The following PTPRG variants were observed in gnomAD, a reference collection of about 807,000 sequenced individuals.
PTPRG encodes the protein receptor-type tyrosine-protein phosphatase gamma.
Under a neutral mutation model 165.3 loss-of-function variants are expected in PTPRG, and 102 were observed. That is an observed-to-expected ratio of 0.62 (90% CI 0.53 to 0.73). The LOEUF is 0.73. Ranked by LOEUF, PTPRG falls within the 30% of genes least tolerant of loss-of-function variation. PTPRG has a pLI of 0.00. For synonymous variants in PTPRG, 675 were observed against 669.5 expected (o/e 1.01, Z -0.13); for missense variants, 1,866 against 1,861.4 (o/e 1.00, Z -0.05).
intron 6 of PTPRG, among the ~76,000 whole-genome samples, chr3:62,136,715 A>G (rs1461051335): frequency 6.6e-6 from 1 of 152,108 alleles, no homozygotes; most frequent in Non-Finnish European, 1.5e-5. Flanking sequence ...GATAGTTTTA[A>G]AAAGGGGAGT....
chr3:62,191,813 G>A (rs1484113277), intron 9 of PTPRG, among the ~76,000 whole-genome samples, 160 bp downstream of exon 9: 5 of 152,148 alleles, frequency 3.3e-5, no homozygotes, highest in East Asian at 3.9e-4. Context: ...CGAGAGTGCC[G>A]GGGAGGACAG....
rs1282917337 is a variant in PTPRG, at chr3:62,229,685, G to A, written c.2289-1540G>A. 5.3e-5 allele frequency among the ~76,000 whole-genome samples: 8 copies of A among 152,088 alleles called. No homozygotes were observed. Among genetic ancestry groups the A allele is most frequent in the South Asian group, 2.1e-4 (1 of 4,824 alleles). On this transcript the variant is annotated intron_variant, in intron 13 of 29. Transcript: ENST00000474889. The surrounding 1 kb of genome is among the most constrained non-coding windows in gnomAD (Gnocchi z 4.6). ...TCAGAATTAACTGTCTTCTCCCCCC[G>A]GGGTTAATTATGTCTGTTCTGCTGG...
At chr3:61,841,149 A>G (rs2036620845) in intron 2 of PTPRG, among the ~76,000 whole-genome samples, 1 of 152,162 alleles carries the variant, frequency 6.6e-6, no homozygotes, top group Non-Finnish European at 1.5e-5. Context: ...AACAATGAAA[A>G]AAGCATCAAC....
At chr3:61,772,058 T>TAAAAAA (rs71100977) in intron 2 of PTPRG, among the ~76,000 whole-genome samples, 4 of 64,776 alleles carry the variant, frequency 6.2e-5, no homozygotes, top group Non-Finnish European at 8.4e-5. Context: ...AGACTCTGTC[T>TAAAAAA]AAAAAAAAAA....
intron 5 of PTPRG, among the ~76,000 whole-genome samples, chr3:62,089,578 C>A (rs988215225): frequency 2.6e-5 from 4 of 152,192 alleles, no homozygotes; most frequent in African/African-American, 9.7e-5. Context: ...AGTTGGTGCT[C>A]ATATCATCTC....
intron 2 of PTPRG, among the ~76,000 whole-genome samples, chr3:61,810,378 A>G (rs1575682195): frequency 6.6e-6 from 1 of 152,316 alleles, no homozygotes; most frequent in East Asian, 1.9e-4. Flanking sequence ...TTGGAAGATG[A>G]CAGTAAAACC....
At chr3:61,903,077 A>G (rs1360027408) in intron 2 of PTPRG, among the ~76,000 whole-genome samples, 1 of 152,038 alleles carries the variant, frequency 6.6e-6, no homozygotes, top group Non-Finnish European at 1.5e-5. Context: ...TGTGTACCTT[A>G]CACTCTGTCT....
rs998607104 is a variant in PTPRG, at chr3:62,255,448, G to C, written c.2559+233G>C. Among the ~76,000 whole-genome samples the C allele has an allele frequency of 6.6e-6, 1 of 151,826 alleles. No individual in the cohort carries two copies. The highest frequency in any genetic ancestry group is 1.5e-5 in the Non-Finnish European group (1 of 68,038). Reference sequence around the variant, plus strand: ...GTATTTCTACAAAAGAACCGACTTAGTGATAGAAAAGAAGCAAACTGGTAG... The same window carrying C: ...GTATTTCTACAAAAGAACCGACTTACTGATAGAAAAGAAGCAAACTGGTAG... On this transcript the variant is annotated intron_variant, in intron 16 of 29. Transcript: ENST00000474889. This position sits in a 1 kb window ranked among gnomAD's most constrained non-coding sequence, Gnocchi z 4.0.
chr3:61,957,673 G>A (rs903744620), intron 2 of PTPRG, among the ~76,000 whole-genome samples: 12 of 152,318 alleles, frequency 7.9e-5, no homozygotes, highest in African/African-American at 2.9e-4. Context: ...AGGAGAAGGT[G>A]GAAGAAATCT....
At chr3:61,948,921 C>T (rs377608405) in intron 2 of PTPRG, among the ~76,000 whole-genome samples, 2 of 151,896 alleles carry the variant, frequency 1.3e-5, no homozygotes, top group East Asian at 3.9e-4. Flanking sequence ...ATCTTTGTCA[C>T]AGTGGGAATA....
At chr3:62,040,122 A>G (rs752306742) in intron 4 of PTPRG, among the ~76,000 whole-genome samples, 5 of 152,216 alleles carry the variant, frequency 3.3e-5, no homozygotes, top group Non-Finnish European at 7.3e-5. Flanking sequence ...AAAATATAGC[A>G]TGAGCGTTGC....
intron 2 of PTPRG, among the ~76,000 whole-genome samples, chr3:61,944,480 G>T (rs2039707495): frequency 6.6e-6 from 1 of 152,096 alleles, no homozygotes; most frequent in Non-Finnish European, 1.5e-5. Context: ...GGCTGCAGTG[G>T]AAGTCTGGGG....
chr3:62,062,159 C>T (rs142663171), intron 4 of PTPRG, among the ~76,000 whole-genome samples: 4 of 151,814 alleles, frequency 2.6e-5, no homozygotes, highest in Admixed American at 1.3e-4. Context: ...ATTAGCTGGG[C>T]GTGGTGGCGC....
chr3:62,119,787 ATT>A (rs34842750), intron 5 of PTPRG, among the ~76,000 whole-genome samples: 1,277 of 111,706 alleles, frequency 0.011, 18 homozygotes, highest in African/African-American at 0.039. Flanking sequence ...CGCCTGGCTA[ATT>A]TTTTTTTTTT....
At chr3:62,154,466 C>T (rs549019757) in intron 6 of PTPRG, among the ~76,000 whole-genome samples, 1 of 152,312 alleles carries the variant, frequency 6.6e-6, no homozygotes, top group African/African-American at 2.4e-5. Flanking sequence ...GGGTCACACG[C>T]ACTTTCCATC....
At chr3:61,805,988 A>T (rs1553672237) in intron 2 of PTPRG, among the ~76,000 whole-genome samples, 1 of 152,166 alleles carries the variant, frequency 6.6e-6, no homozygotes, top group Non-Finnish European at 1.5e-5. Flanking sequence ...ATTTAAGAAA[A>T]ATACAGCACA....
In PTPRG at chr3:62,296,164, T is replaced by TA. The variant is rs1396244367; in HGVS notation, c.*2858dup. 1.3e-5 allele frequency: 2 copies of TA among 152,082 alleles called. No individual in the cohort carries two copies. Among genetic ancestry groups the TA allele is most frequent in the African/African-American group, 4.8e-5 (2 of 41,446 alleles). 9.4% of individuals were successfully genotyped at this position (152,082 alleles called of 1,614,324 possible). ...TCTTTCTTATATGCGATAGCCAAGA[T>TA]ATCTTCTTTAATATGAAAAAAGTTA... On this transcript the variant is annotated 3_prime_UTR_variant, in exon 30 of 30. Transcript: ENST00000474889.
At chr3:62,093,855 A>G (rs368178874) in intron 5 of PTPRG, among the ~76,000 whole-genome samples, 4 of 152,298 alleles carry the variant, frequency 2.6e-5, no homozygotes, top group African/African-American at 7.2e-5. Context: ...CTGGGGGTAG[A>G]GAGGGAAGAA....
intron 2 of PTPRG, among the ~76,000 whole-genome samples, chr3:61,779,375 C>T (rs564670976): frequency 6.6e-6 from 1 of 152,290 alleles, no homozygotes; most frequent in African/African-American, 2.4e-5. Flanking sequence ...CAGTAATTGG[C>T]TGGAAGAGTG....
Sources: gnomAD v4.1 joint callset for allele counts (sites outside exome capture counted in the v4.1 genomes callset) on GRCh38, gnomAD v4.1.1 for gene constraint, Gnocchi (gnomAD v3.1) non-coding constraint, MANE v1.5 for transcripts, NCBI Gene and HGNC (gene_info 2026-07-23, HGNC 2026-07-21) for gene names.